Variants in PRKAR1B observed in about 807,000 individuals in gnomAD.
PRKAR1B encodes protein kinase cAMP-dependent type I regulatory subunit beta.
Under a neutral mutation model 46.5 loss-of-function variants are expected in PRKAR1B, and 22 were observed. The observed-to-expected ratio is 0.47, with a 90% CI of 0.34 to 0.68. The LOEUF is 0.68. Among genes scored for constraint, PRKAR1B ranks in the 30% least tolerant of loss-of-function variants. PRKAR1B has a pLI of 0.01. For missense variants in PRKAR1B, 445 were observed against 535.6 expected (o/e 0.83, Z 1.67); for synonymous variants, 259 against 217.7 (o/e 1.19, Z -1.67).
At chr7:574,234 A>T (rs868071537) in intron 9 of PRKAR1B, among the ~76,000 whole-genome samples, 93 of 152,256 alleles carry the variant, frequency 6.1e-4, no homozygotes, top group African/African-American at 2.0e-3. Context: ...TTTCAAGACC[A>T]TTAAAGCCGA....
intron 6 of PRKAR1B, chr7:603,346 G>C (rs574279338): frequency 6.6e-6 from 1 of 152,426 alleles, no homozygotes; most frequent in African/African-American, 2.4e-5. Flanking sequence ...TGGGCCTGGC[G>C]GGGTCTTGTA....
At chr7:661,899 C>G (rs1177291476) in intron 4 of PRKAR1B, among the ~76,000 whole-genome samples, 2 of 67,434 alleles carry the variant, frequency 3.0e-5, no homozygotes, top group Admixed American at 2.7e-4. Context: ...ACTCTCCCCC[C>G]CATGGCACAG....
At chr7:660,219 A>G (rs67043112) in intron 4 of PRKAR1B, among the ~76,000 whole-genome samples, 20,328 of 151,848 alleles carry the variant, frequency 0.13, 1,535 homozygotes, top group South Asian at 0.26. Flanking sequence ...CAGGCCTGGC[A>G]TCACCTCCCT....
intron 1 of PRKAR1B, among the ~76,000 whole-genome samples, chr7:715,219 G>C (rs1003037906): frequency 1.3e-5 from 2 of 152,242 alleles, no homozygotes; most frequent in Non-Finnish European, 2.9e-5. Flanking sequence ...ACTACTGCCT[G>C]AGCCCGTTGG....
intron 6 of PRKAR1B, among the ~76,000 whole-genome samples, chr7:601,193 C>T (rs775754592): frequency 6.6e-6 from 1 of 152,214 alleles, no homozygotes. Flanking sequence ...CGTCCCTTCC[C>T]GCCACGCAGA....
At chr7:663,466 G>A (rs1361586221) in intron 4 of PRKAR1B, among the ~76,000 whole-genome samples, 1 of 152,116 alleles carries the variant, frequency 6.6e-6, no homozygotes, top group Non-Finnish European at 1.5e-5. Context: ...CAAACTCCTG[G>A]GCTCAAGCAA....
intron 4 of PRKAR1B, among the ~76,000 whole-genome samples, chr7:670,797 G>A (rs557258350): frequency 2.1e-4 from 31 of 146,912 alleles, no homozygotes; most frequent in African/African-American, 7.1e-4. Context: ...GACCGAAGAC[G>A]GCCTCCGAGC....
chr7:708,148 G>A (rs1780431420), intron 2 of PRKAR1B, among the ~76,000 whole-genome samples: 1 of 150,466 alleles, frequency 6.6e-6, no homozygotes, highest in African/African-American at 2.5e-5. Flanking sequence ...AGAGCCGGGG[G>A]AGACATAGAA....
chr7:637,061 G>A (rs1325014180), intron 4 of PRKAR1B, among the ~76,000 whole-genome samples: 1 of 152,188 alleles, frequency 6.6e-6, no homozygotes, highest in Non-Finnish European at 1.5e-5. Context: ...TAAGGCGGGT[G>A]GACGGTTTGA....
At position 706,462 on chromosome 7, in the gene PRKAR1B, C is replaced by T. The variant is rs1327353227; in HGVS notation, c.177+4867G>A. On this transcript the variant is annotated intron_variant, in intron 2 of 10. Transcript: ENST00000537384. ...TTTTTGAGACGGAGTCTCGCTCTAT[C>T]ACCCAGGCTAGAGTGCAGTGGCGCG... Among the ~76,000 whole-genome samples, 9 of 105,514 alleles carry T rather than the reference C, an allele frequency of 8.5e-5. 2 individuals carry two copies. The highest frequency in any genetic ancestry group is 1.5e-4 in the Non-Finnish European group (8 of 53,566). The allele number at this position is 105,514 out of a possible 152,430, so 69.2% of individuals were successfully genotyped here.
chr7:611,695 T>A (rs139505194), intron 4 of PRKAR1B, among the ~76,000 whole-genome samples: 7 of 152,162 alleles, frequency 4.6e-5, no homozygotes, highest in Non-Finnish European at 1.0e-4. Context: ...ACAATATGGA[T>A]GGTTGGATGG....
intron 8 of PRKAR1B, among the ~76,000 whole-genome samples, chr7:582,886 C>T (rs563999761): frequency 6.6e-6 from 1 of 152,328 alleles, no homozygotes; most frequent in Admixed American, 6.5e-5. Flanking sequence ...CCCTCTCGGC[C>T]CCTATAAAAT....
intron 9 of PRKAR1B, among the ~76,000 whole-genome samples, chr7:562,177 GTC>G (rs1181970587): frequency 1.3e-5 from 2 of 152,188 alleles, no homozygotes; most frequent in Non-Finnish European, 2.9e-5. Flanking sequence ...CTGTGTGGGA[GTC>G]TCTGCAGGTT....
intron 9 of PRKAR1B, among the ~76,000 whole-genome samples, chr7:569,678 G>C (rs1779386742): frequency 6.6e-6 from 1 of 152,212 alleles, no homozygotes. Context: ...GAGCACTCAG[G>C]AGCCTGCCCC....
intron 4 of PRKAR1B, among the ~76,000 whole-genome samples, chr7:636,785 G>A (rs533548489): frequency 1.3e-5 from 2 of 152,346 alleles, no homozygotes; most frequent in Admixed American, 6.5e-5. Context: ...CTCTGCACCT[G>A]CACGCCCCTC....
At chr7:584,973 T>C (rs1780514495) in intron 7 of PRKAR1B, among the ~76,000 whole-genome samples, 1 of 151,950 alleles carries the variant, frequency 6.6e-6, no homozygotes, top group African/African-American at 2.4e-5. Flanking sequence ...GCACATGACG[T>C]AGAAGGGAGA....
chr7:710,010 T>G (rs1254150652), intron 2 of PRKAR1B, among the ~76,000 whole-genome samples: 1 of 152,220 alleles, frequency 6.6e-6, no homozygotes, highest in East Asian at 1.9e-4. Context: ...CGTTTTTATC[T>G]CTTCTTTCCA....
intron 1 of PRKAR1B, among the ~76,000 whole-genome samples, chr7:721,862 CT>C (rs1236486906): frequency 2.0e-5 from 3 of 152,062 alleles, no homozygotes; most frequent in African/African-American, 4.8e-5. Flanking sequence ...TCTTTCTGGC[CT>C]TTTGTGGTTT....
At chr7:640,284 G>T (rs1439714247) in intron 4 of PRKAR1B, among the ~76,000 whole-genome samples, 1 of 152,164 alleles carries the variant, frequency 6.6e-6, no homozygotes, top group African/African-American at 2.4e-5. Flanking sequence ...TAAACCCTGT[G>T]TCTGGTAAAG....
Sources: allele counts gnomAD v4.1 joint callset (sites outside exome capture counted in the v4.1 genomes callset), GRCh38; gene constraint gnomAD v4.1.1; transcripts MANE v1.5; gene names NCBI Gene and HGNC (gene_info 2026-07-23, HGNC 2026-07-21).